Variants in PRKG1 observed in about 807,000 individuals in gnomAD.
PRKG1 encodes cGMP-dependent protein kinase 1.
Under a neutral mutation model 88.1 loss-of-function variants are expected in PRKG1, and 35 were observed. That is an observed-to-expected ratio of 0.40 (90% CI 0.30 to 0.53). The LOEUF (loss-of-function observed/expected upper bound fraction) is 0.53, where lower values mean the gene tolerates loss of function less well. Among genes scored for constraint, PRKG1 ranks in the 20% least tolerant of loss-of-function variants. The probability of loss-of-function intolerance (pLI) is 0.59; values close to 1 mark genes in which losing one functional copy is unlikely to be tolerated. For missense variants in PRKG1, 540 were observed against 839.8 expected, an observed-to-expected ratio of 0.64 and a Z score of 4.41; for synonymous variants, 303 against 292.5, an observed-to-expected ratio of 1.04 and a Z score of -0.37.
intron 7 of PRKG1, among the ~76,000 whole-genome samples, chr10:52,101,962 G>A (rs1847303689): frequency 6.6e-6 from 1 of 152,190 alleles, no homozygotes; most frequent in Non-Finnish European, 1.5e-5. Flanking sequence ...TGCAAATGAA[G>A]TCAAGTTTAT....
intron 1 of PRKG1, among the ~76,000 whole-genome samples, chr10:51,132,923 T>C (rs1845606791): frequency 6.6e-6 from 1 of 152,070 alleles, no homozygotes; most frequent in Non-Finnish European, 1.5e-5. Flanking sequence ...TAAATGTATA[T>C]AATTATGATT....
intron 3 of PRKG1, among the ~76,000 whole-genome samples, chr10:51,691,144 G>C: frequency 6.6e-6 from 1 of 150,396 alleles, no homozygotes; most frequent in Non-Finnish European, 1.5e-5. Flanking sequence ...GATTGGCTTA[G>C]TTTCCTAGGA....
At chr10:51,393,461 C>T (rs1269103470) in intron 2 of PRKG1, among the ~76,000 whole-genome samples, 1 of 151,938 alleles carries the variant, frequency 6.6e-6, no homozygotes. Context: ...GACGGGGTGG[C>T]GGCCGGGCAG....
At chr10:51,234,891 C>T (rs375924384) in intron 2 of PRKG1, among the ~76,000 whole-genome samples, 1 of 152,104 alleles carries the variant, frequency 6.6e-6, no homozygotes, top group Non-Finnish European at 1.5e-5. Flanking sequence ...ATTGGACACA[C>T]TATTTTTTCT....
chr10:51,912,844 T>G (rs1842250118), intron 5 of PRKG1, among the ~76,000 whole-genome samples: 1 of 152,128 alleles, frequency 6.6e-6, no homozygotes, highest in African/African-American at 2.4e-5. Context: ...CCCATGAGAT[T>G]ATAGTACAGG....
chr10:51,850,555 C>A (rs1174459729), intron 4 of PRKG1, among the ~76,000 whole-genome samples: 4 of 151,542 alleles, frequency 2.6e-5, no homozygotes, highest in South Asian at 2.1e-4. Context: ...ATCAGCAAAA[C>A]CAGAAGGCCA....
chr10:51,292,297 T>G (rs1190626234), intron 2 of PRKG1, among the ~76,000 whole-genome samples: 3 of 152,180 alleles, frequency 2.0e-5, no homozygotes, highest in Admixed American at 2.0e-4. Context: ...AATCTCACTC[T>G]GCATAACCTC....
intron 3 of PRKG1, among the ~76,000 whole-genome samples, chr10:51,553,456 A>G (rs1356907002): frequency 6.6e-6 from 1 of 151,610 alleles, no homozygotes; most frequent in Non-Finnish European, 1.5e-5. Flanking sequence ...TGAGTGACAT[A>G]AACTGTACTC....
chr10:51,449,071 A>T (rs74132279), intron 2 of PRKG1, among the ~76,000 whole-genome samples: 40,913 of 151,564 alleles, frequency 0.27, 5,961 homozygotes, highest in Middle Eastern at 0.32. Context: ...CTCACCTAAT[A>T]TAAATAGCCA....
intron 3 of PRKG1, among the ~76,000 whole-genome samples, chr10:51,486,910 C>T (rs1188452920): frequency 6.6e-6 from 1 of 151,956 alleles, no homozygotes; most frequent in Admixed American, 6.6e-5. Flanking sequence ...GGATATTGTC[C>T]TTCAAGAGGT....
chr10:51,156,722 TA>T (rs1182956128), intron 2 of PRKG1, among the ~76,000 whole-genome samples: 3 of 152,052 alleles, frequency 2.0e-5, no homozygotes, highest in Non-Finnish European at 4.4e-5. Context: ...CAAAATAATT[TA>T]AAATTTAAAA....
intron 1 of PRKG1, among the ~76,000 whole-genome samples, chr10:51,038,126 CAAAAATGTGTT>C (rs1447610289): frequency 1.3e-5 from 2 of 148,908 alleles, no homozygotes; most frequent in African/African-American, 2.4e-5. Flanking sequence ...CAGGCCTTAA[CAAAAATGTGTT>C]TTTCTTTTTG....
chr10:52,095,854 C>T (rs760783687), intron 7 of PRKG1, among the ~76,000 whole-genome samples: 2 of 152,258 alleles, frequency 1.3e-5, no homozygotes, highest in South Asian at 4.1e-4. Context: ...AGGTTTACTA[C>T]GAATGTAATG....
At chr10:51,054,613 T>C (rs998066936) in intron 1 of PRKG1, among the ~76,000 whole-genome samples, 2 of 152,168 alleles carry the variant, frequency 1.3e-5, no homozygotes, top group Non-Finnish European at 2.9e-5. Flanking sequence ...GTGTGACAGA[T>C]TACCAAAGCA....
intron 3 of PRKG1, among the ~76,000 whole-genome samples, chr10:51,771,184 T>C (rs939187272): frequency 1.3e-5 from 2 of 152,194 alleles, no homozygotes; most frequent in African/African-American, 4.8e-5. Flanking sequence ...TGCAACAACC[T>C]AATCAATGTA....
chr10:51,478,791 G>A (rs1289563155), intron 3 of PRKG1, among the ~76,000 whole-genome samples: 6 of 151,082 alleles, frequency 4.0e-5, no homozygotes, highest in African/African-American at 1.5e-4. Flanking sequence ...CCCAATCTAC[G>A]TGGAACCCAA....
chr10:51,834,845 A>T (rs1810006517), intron 4 of PRKG1, among the ~76,000 whole-genome samples: 1 of 152,150 alleles, frequency 6.6e-6, no homozygotes, highest in African/African-American at 2.4e-5. Context: ...AGGTCATCAC[A>T]TTGCATGGGG....
At chr10:51,223,414 A>G (rs1227948192) in intron 2 of PRKG1, among the ~76,000 whole-genome samples, 1 of 152,230 alleles carries the variant, frequency 6.6e-6, no homozygotes, top group Non-Finnish European at 1.5e-5. Context: ...ATTTGAGCCC[A>G]CATGTATACT....
intron 4 of PRKG1, among the ~76,000 whole-genome samples, chr10:51,841,632 CATG>C: frequency 6.7e-6 from 1 of 149,916 alleles, no homozygotes; most frequent in Non-Finnish European, 1.5e-5. Context: ...GTCATGAATT[CATG>C]CTGTGACTGA....
Sources: allele counts gnomAD v4.1 joint callset (sites outside exome capture counted in the v4.1 genomes callset), GRCh38; gene constraint gnomAD v4.1.1; transcripts MANE v1.5; gene names NCBI Gene and HGNC (gene_info 2026-07-23, HGNC 2026-07-21).